The following BUB1B variants were observed in gnomAD, a reference collection of about 807,000 sequenced individuals.
BUB1B encodes the protein mitotic checkpoint serine/threonine-protein kinase BUB1 beta.
BUB1B carries 86 observed loss-of-function variants against 137.7 expected under a neutral mutation model. The observed-to-expected ratio is 0.62, with a 90% CI of 0.52 to 0.75. The LOEUF (loss-of-function observed/expected upper bound fraction) is 0.75. Ranked by LOEUF, BUB1B falls within the 30% of genes least tolerant of loss-of-function variation. The pLI, the probability that BUB1B is intolerant of heterozygous loss-of-function variation, is 0.00. For missense variants in BUB1B, 1,130 were observed against 1,236.9 expected, an observed-to-expected ratio of 0.91 and a Z score of 1.30; for synonymous variants, 420 against 417.9, an observed-to-expected ratio of 1.00 and a Z score of -0.06.
chr15:40,186,737 G>A lies in BUB1B; in HGVS notation c.1058+1095G>A, dbSNP rs930530436. On this transcript the variant is annotated intron_variant, in intron 8 of 22. Transcript: ENST00000287598. The stretch of plus-strand genomic sequence containing the variant: ...TGGAATTACAGGCGTGAGCCACTGC[G>A]CCCAGCCCTAGTCCTAATACTAGGT... Among the ~76,000 whole-genome samples, 35 of 151,582 alleles carry A rather than the reference G, an allele frequency of 2.3e-4. No individual in the cohort carries two copies. In the East Asian group the frequency reaches 3.9e-3, roughly 17 times the overall value.
intron 2 of BUB1B, among the ~76,000 whole-genome samples, chr15:40,169,609 C>CTTTTTTTT (rs893767898): frequency 1.4e-4 from 14 of 96,942 alleles, no homozygotes; most frequent in Non-Finnish European, 2.6e-4. Flanking sequence ...TATTTCTATT[C>CTTTTTTTT]TTTTTTTTTT....
intron 9 of BUB1B, among the ~76,000 whole-genome samples, chr15:40,198,993 C>T (rs1463021692): frequency 6.6e-6 from 1 of 152,190 alleles, no homozygotes. Flanking sequence ...TCTATTCACC[C>T]TCTTACTATG....
intron 6 of BUB1B, 130 bp from the exon 7 acceptor site, chr15:40,185,035 A>T: frequency 1.4e-6 from 1 of 731,820 alleles, no homozygotes; most frequent in Non-Finnish European, 2.2e-6. Context: ...ATTATTTTTA[A>T]AATTTCTTTT....
intron 8 of BUB1B, chr15:40,187,134 T>A (rs2037376839): frequency 6.6e-6 from 1 of 150,860 alleles, no homozygotes; most frequent in Non-Finnish European, 1.5e-5. Context: ...AAACAAATTT[T>A]TTTTTTTTTG....
At chr15:40,206,844 C>CT (rs1352242771) in intron 15 of BUB1B, among the ~76,000 whole-genome samples, 2 of 152,144 alleles carry the variant, frequency 1.3e-5, no homozygotes, top group Non-Finnish European at 2.9e-5. Flanking sequence ...GAGTCTCACT[C>CT]TGTCGCCCAG....
intron 1 of BUB1B, among the ~76,000 whole-genome samples, chr15:40,163,739 A>C (rs1486888447): frequency 1.3e-5 from 2 of 152,180 alleles, no homozygotes; most frequent in Admixed American, 1.3e-4. Context: ...CTTTATTCAG[A>C]AGTTTGGTGA....
At chr15:40,184,975 CAAAG>C (rs2037340889) in intron 6 of BUB1B, among the ~76,000 whole-genome samples, 186 bp from the exon 7 acceptor site, 1 of 151,474 alleles carries the variant, frequency 6.6e-6, no homozygotes, top group Non-Finnish European at 1.5e-5. Context: ...ATATAAGTAA[CAAAG>C]AATGGATAAA....
rs990765492 is a variant in BUB1B, at chr15:40,209,871, C to T, written c.2284+96C>T. 4 of 1,494,728 alleles carry T rather than the reference C, an allele frequency of 2.7e-6. No homozygotes were observed. In the African/African-American group the frequency reaches 5.6e-5, roughly 21 times the overall value. 92.6% of individuals were successfully genotyped at this position (1,494,728 alleles called of 1,614,324 possible). ...TTGATGCTTGAGCACTGTAAATATTCCTAGATTGTATTTTTTAAAAAAGCA... is the reference window on the plus strand; with the variant it reads ...TTGATGCTTGAGCACTGTAAATATTTCTAGATTGTATTTTTTAAAAAAGCA... On this transcript the variant is annotated intron_variant, in intron 17 of 22. Transcript: ENST00000287598.
chr15:40,208,759 AT>A lies in BUB1B; in HGVS notation c.2133del (p.Asn711LysfsTer21), dbSNP rs776449249. ...ATTCCTGAGAAACTAGAACTTACTA[AT>A]GAGACTTCAGGTAGGATATACATAC... Reference protein sequence around the residue: ...LQIPEKLELTNETSENPTQSP... With the variant: ...LQIPEKLELTXETSENPTQSP... On this transcript the variant is annotated frameshift_variant, in exon 16 of 23. Coordinates refer to ENST00000287598, the MANE Select transcript of BUB1B (RefSeq NM_001211.6). LOFTEE classifies it high-confidence loss of function. 6.2e-7 allele frequency: 1 copy of A among 1,612,362 alleles called. No homozygotes were observed. Among genetic ancestry groups the A allele is most frequent in the African/African-American group, 1.3e-5 (1 of 74,900 alleles).
intron 4 of BUB1B, among the ~76,000 whole-genome samples, chr15:40,176,236 C>T (rs112184887): frequency 2.6e-5 from 4 of 152,336 alleles, no homozygotes; most frequent in African/African-American, 9.6e-5. Flanking sequence ...TAATTACAGG[C>T]AGAAGCGACT....
chr15:40,180,300 C>T (rs1221286800), intron 5 of BUB1B, among the ~76,000 whole-genome samples: 1 of 130,956 alleles, frequency 7.6e-6, no homozygotes, highest in Non-Finnish European at 1.5e-5. Flanking sequence ...GTCACCCAGG[C>T]TGGAGTGCAA....
chr15:40,183,959 T>C (rs776575143), intron 6 of BUB1B, 76 bp downstream of exon 6: 36 of 1,478,788 alleles, frequency 2.4e-5, no homozygotes, highest in Non-Finnish European at 3.0e-5. Flanking sequence ...AATACATAAA[T>C]ATACCTGTGG....
intron 8 of BUB1B, among the ~76,000 whole-genome samples, chr15:40,186,361 G>A (rs1320102973): frequency 1.4e-5 from 2 of 144,704 alleles, no homozygotes; most frequent in Non-Finnish European, 3.0e-5. Context: ...TTAAGAAAAA[G>A]TATAGTAGCT....
rs34300396 is a variant in BUB1B at position 40,180,251 on chromosome 15, C to CTTTT, written c.582-3446_582-3443dup. Among the ~76,000 whole-genome samples the CTTTT allele has an allele frequency of 2.9e-3, 258 of 90,408 alleles. 1 individual carries two copies. Among genetic ancestry groups the CTTTT allele is most frequent in the Non-Finnish European group, 3.2e-3 (150 of 46,732 alleles). The allele number at this position is 90,408 out of a possible 152,430, so 59.3% of individuals were successfully genotyped here. ...AGAATTCTGGGTCAACGTTTCGTTT[C>CTTTT]TTTTTTTTTTTTTTTTTTTTGAGAT... is the stretch of plus-strand genomic sequence containing the variant. On this transcript the variant is annotated intron_variant, in intron 5 of 22. Coordinates refer to ENST00000287598, the MANE Select transcript of BUB1B (RefSeq NM_001211.6).
At position 40,200,984 on chromosome 15, in the gene BUB1B, A is replaced by G. The variant is rs1209418390; in HGVS notation, c.1567+4A>G. The G allele has an allele frequency of 6.2e-7, 1 of 1,612,674 alleles. No individual in the cohort carries two copies. Among genetic ancestry groups the G allele is most frequent in the Non-Finnish European group, 8.5e-7 (1 of 1,179,104 alleles). On this transcript the variant is annotated splice_donor_region_variant and intron_variant, in intron 12 of 22. Coordinates refer to ENST00000287598, the MANE Select transcript of BUB1B (RefSeq NM_001211.6). ...CAGGAACAACCTCATTCTAAAGGTG[A>G]GTTGTATTTGACAGCCTTGAGAAGA...
At chr15:40,161,350 C>A in intron 1 of BUB1B, 95 bp downstream of exon 1, 1 of 1,436,182 alleles carries the variant, frequency 7.0e-7, no homozygotes, top group Admixed American at 2.3e-5. Context: ...AGGGGGAGAT[C>A]GGCACCGTCA....
chr15:40,209,537 A>C, intron 16 of BUB1B, 98 bp from the exon 17 acceptor site: 1 of 1,416,108 alleles, frequency 7.1e-7, no homozygotes, highest in East Asian at 2.3e-5. Context: ...CTGACTGTGT[A>C]ATCTTGATTT....
intron 20 of BUB1B, among the ~76,000 whole-genome samples, chr15:40,214,298 C>T (rs79566941): frequency 0.011 from 1,651 of 152,210 alleles, 24 homozygotes; most frequent in African/African-American, 0.038. Flanking sequence ...GAGCACAGAG[C>T]AGGAAATAAT....
intron 1 of BUB1B, among the ~76,000 whole-genome samples, chr15:40,164,666 T>C (rs1017339152): frequency 3.3e-5 from 5 of 151,086 alleles, no homozygotes; most frequent in Non-Finnish European, 7.4e-5. Flanking sequence ...ATTTTTCTTT[T>C]TTTTTTTTTT....
Sources: gnomAD v4.1 joint callset for allele counts (sites outside exome capture counted in the v4.1 genomes callset) on GRCh38, gnomAD v4.1.1 for gene constraint, MANE v1.5 for transcripts, NCBI Gene and HGNC (gene_info 2026-07-23, HGNC 2026-07-21) for gene names.